The following ANKS1B variants were observed in gnomAD, a reference collection of about 807,000 sequenced individuals.
ANKS1B encodes ankyrin repeat and sterile alpha motif domain-containing protein 1B.
ANKS1B carries 36 observed loss-of-function variants against 148.3 expected under a neutral mutation model. That is an observed-to-expected ratio of 0.24 (90% CI 0.19 to 0.32). The LOEUF is 0.32. Ranked by LOEUF, ANKS1B falls within the 10% of genes least tolerant of loss-of-function variation. The probability of loss-of-function intolerance (pLI) is 1.00; values close to 1 mark genes in which losing one functional copy is unlikely to be tolerated. For synonymous variants in ANKS1B, 542 were observed against 560.8 expected (o/e 0.97, Z 0.47); for missense variants, 1,157 against 1,542.6 (o/e 0.75, Z 4.19).
At chr12:99,856,008 A>G (rs1437120906) in intron 1 of ANKS1B, among the ~76,000 whole-genome samples, 2 of 152,094 alleles carry the variant, frequency 1.3e-5, no homozygotes, top group Non-Finnish European at 2.9e-5. Flanking sequence ...AAGGAGCTAG[A>G]GAAACAAGAA....
intron 12 of ANKS1B, among the ~76,000 whole-genome samples, chr12:99,381,288 G>A (rs1031708390): frequency 3.3e-5 from 5 of 152,304 alleles, no homozygotes; most frequent in Admixed American, 1.3e-4. Flanking sequence ...CAACTGAGTC[G>A]AATGGTCAAA....
At chr12:99,444,468 T>G (rs1452275272) in intron 10 of ANKS1B, among the ~76,000 whole-genome samples, 1 of 151,962 alleles carries the variant, frequency 6.6e-6, no homozygotes, top group East Asian at 1.9e-4. Flanking sequence ...TGTTCAGTAT[T>G]TAGGAGGGGG....
intron 22 of ANKS1B, among the ~76,000 whole-genome samples, chr12:98,796,522 T>C (rs964563708): frequency 2.6e-5 from 4 of 152,220 alleles, no homozygotes; most frequent in Admixed American, 2.0e-4. Flanking sequence ...CATTTATAGT[T>C]GGTGAAAGTT....
intron 16 of ANKS1B, 95 bp from the exon 17 acceptor site, chr12:99,053,404 G>T: frequency 2.1e-6 from 2 of 966,552 alleles, no homozygotes; most frequent in Non-Finnish European, 1.4e-6. Context: ...TTGACATGAA[G>T]AACAGATCTT....
intron 10 of ANKS1B, among the ~76,000 whole-genome samples, chr12:99,462,135 T>C (rs929306080): frequency 7.2e-5 from 11 of 152,226 alleles, no homozygotes; most frequent in Non-Finnish European, 1.3e-4. Flanking sequence ...GACACTTTAA[T>C]GTACCACCCA....
intron 12 of ANKS1B, among the ~76,000 whole-genome samples, chr12:99,365,430 C>G (rs1357193313): frequency 6.6e-6 from 1 of 152,216 alleles, no homozygotes; most frequent in Non-Finnish European, 1.5e-5. Context: ...CCAGGCTGCT[C>G]TCCTGAAATC....
At chr12:99,899,364 A>G (rs985317013) in intron 1 of ANKS1B, among the ~76,000 whole-genome samples, 2 of 152,278 alleles carry the variant, frequency 1.3e-5, no homozygotes, top group African/African-American at 4.8e-5. Context: ...ATCCTAGTTT[A>G]ATATTGTTTC....
intron 11 of ANKS1B, among the ~76,000 whole-genome samples, chr12:99,411,050 G>T (rs1353105817): frequency 6.6e-6 from 1 of 152,186 alleles, no homozygotes; most frequent in Non-Finnish European, 1.5e-5. Flanking sequence ...GGGGCACCTG[G>T]GTTGGAGGAG....
chr12:98,845,969 T>C (rs1418603654), intron 17 of ANKS1B, among the ~76,000 whole-genome samples: 1 of 53,406 alleles, frequency 1.9e-5, no homozygotes, highest in African/African-American at 4.8e-5. Context: ...ATTCTTCATA[T>C]ATATATATAT....
chr12:99,059,322 C>A (rs2041536460), intron 16 of ANKS1B, among the ~76,000 whole-genome samples: 2 of 152,302 alleles, frequency 1.3e-5, no homozygotes, highest in South Asian at 2.1e-4. Flanking sequence ...CAAGCATATG[C>A]TAAATGTTTG....
chr12:99,550,072 A>ACTCT (rs540660429), intron 9 of ANKS1B, among the ~76,000 whole-genome samples: 1 of 151,540 alleles, frequency 6.6e-6, no homozygotes, highest in Non-Finnish European at 1.5e-5. Context: ...TGAGCCAGCA[A>ACTCT]CTCTCTCTCT....
intron 12 of ANKS1B, among the ~76,000 whole-genome samples, chr12:99,320,091 G>A (rs780249681): frequency 1.3e-5 from 2 of 152,190 alleles, no homozygotes; most frequent in Non-Finnish European, 2.9e-5. Context: ...CCCTTTGTGG[G>A]TAACCTGCCC....
At chr12:99,679,297 GAA>G (rs2098600118) in intron 8 of ANKS1B, among the ~76,000 whole-genome samples, 1 of 152,052 alleles carries the variant, frequency 6.6e-6, no homozygotes, top group East Asian at 1.9e-4. Flanking sequence ...GATGATTTTT[GAA>G]CTCTAAAGTT....
intron 17 of ANKS1B, among the ~76,000 whole-genome samples, chr12:98,925,749 C>A (rs982571371): frequency 5.3e-5 from 8 of 152,018 alleles, no homozygotes; most frequent in African/African-American, 1.9e-4. Flanking sequence ...TATGAAGCTC[C>A]CCCAAAATTC....
At chr12:99,040,869 G>A (rs2099958505) in intron 17 of ANKS1B, among the ~76,000 whole-genome samples, 1 of 152,148 alleles carries the variant, frequency 6.6e-6, no homozygotes, top group African/African-American at 2.4e-5. Context: ...GGCTGATTGT[G>A]GTTAATAATC....
chr12:99,924,204 T>A (rs918689413), intron 1 of ANKS1B, among the ~76,000 whole-genome samples: 6 of 152,114 alleles, frequency 3.9e-5, no homozygotes, highest in Admixed American at 3.9e-4. Context: ...GTGGGCCTTT[T>A]ACAGAGACAG....
chr12:99,235,381 C>T (rs2087705449), intron 14 of ANKS1B, among the ~76,000 whole-genome samples: 1 of 152,078 alleles, frequency 6.6e-6, no homozygotes, highest in African/African-American at 2.4e-5. Flanking sequence ...GCTTGAATAT[C>T]CTCAGTATTG....
chr12:99,346,491 TC>T (rs2090707020), intron 12 of ANKS1B, among the ~76,000 whole-genome samples: 1 of 151,688 alleles, frequency 6.6e-6, no homozygotes, highest in Non-Finnish European at 1.5e-5. Context: ...ATGTGAGAGG[TC>T]TGGAGAAGAC....
At chr12:99,496,622 G>A (rs889766285) in intron 10 of ANKS1B, among the ~76,000 whole-genome samples, 15 of 152,076 alleles carry the variant, frequency 9.9e-5, no homozygotes, top group Non-Finnish European at 1.2e-4. Flanking sequence ...AATGCTCCTT[G>A]GAAAGAGTAT....
Sources: allele counts gnomAD v4.1 joint callset (sites outside exome capture counted in the v4.1 genomes callset), GRCh38; gene constraint gnomAD v4.1.1; transcripts MANE v1.5; gene names NCBI Gene and HGNC (gene_info 2026-07-23, HGNC 2026-07-21).